The following DNM1L variants were observed in gnomAD, a reference collection of about 807,000 sequenced individuals.
DNM1L encodes dynamin-1-like protein.
Under a neutral mutation model 92.8 loss-of-function variants are expected in DNM1L, and 33 were observed. The observed-to-expected ratio is 0.36, with a 90% CI of 0.27 to 0.48. DNM1L has a LOEUF of 0.48. Ranked by LOEUF, DNM1L falls within the 20% of genes least tolerant of loss-of-function variation. DNM1L has a pLI of 0.99. For missense variants in DNM1L, 485 were observed against 888.8 expected (o/e 0.55, Z 5.78); for synonymous variants, 284 against 305.0 (o/e 0.93, Z 0.72).
At chr12:32,694,315 A>G (rs1952347542) in intron 1 of DNM1L, among the ~76,000 whole-genome samples, 1 of 151,532 alleles carries the variant, frequency 6.6e-6, no homozygotes. Context: ...CGAACTCCTG[A>G]CCTTGTGATC....
Position 32,742,684 on chromosome 12 carries a change from A to T in DNM1L, c.2090A>T (p.Asp697Val). Residue 697 changes from aspartate to valine, a missense_variant, in exon 19 of 20, where the codon GAT becomes GTT. By Grantham distance (152) the Asp-to-Val change is radical. Coordinates refer to ENST00000549701, the MANE Select transcript of DNM1L (RefSeq NM_012062.5). ...CAGCTGTATAAATCATCCTTATTGG[A>T]TGATCTTCTGACAGAATCTGAGGAC... is the stretch of plus-strand genomic sequence containing the variant. ...VGQLYKSSLLDDLLTESEDMA... is the reference protein window; with the variant it reads ...VGQLYKSSLLVDLLTESEDMA... 6.2e-7 allele frequency: 1 copy of T among 1,613,994 alleles called. No homozygotes were observed. The highest frequency in any genetic ancestry group is 2.2e-5 in the East Asian group (1 of 44,872).
chr12:32,737,770 T>G, intron 14 of DNM1L, 95 bp from the exon 15 acceptor site: 1 of 938,598 alleles, frequency 1.1e-6, no homozygotes, highest in Non-Finnish European at 1.7e-6. Flanking sequence ...TATTTTACGA[T>G]TTCATTACAG....
intron 2 of DNM1L, chr12:32,706,655 C>T (rs1292803816): frequency 2.2e-6 from 1 of 454,954 alleles, no homozygotes; most frequent in Non-Finnish European, 4.4e-6. Flanking sequence ...TCTTGTTTTT[C>T]CTTTTCTTCC....
rs563147031 is a variant in DNM1L, at chr12:32,744,174, C to T, written c.*764C>T. 6.6e-6 allele frequency: 1 copy of T among 152,332 alleles called. No homozygotes were observed. The highest frequency in any genetic ancestry group is 2.1e-4 in the South Asian group (1 of 4,832). The allele number at this position is 152,332 out of a possible 1,614,324, so 9.4% of individuals were successfully genotyped here. A position where few individuals can be genotyped will look rare whatever the true frequency, so the allele number is the denominator to read the frequency against. On this transcript the variant is annotated 3_prime_UTR_variant, in exon 20 of 20. Transcript: ENST00000549701. Reference sequence around the variant, plus strand: ...TCTAGAAAGACTTGGTAATGATGGTCAGTTCCTTTTAGATTTCAGAAAATC... The same window carrying T: ...TCTAGAAAGACTTGGTAATGATGGTTAGTTCCTTTTAGATTTCAGAAAATC...
rs562835195 is a variant in DNM1L, at chr12:32,708,095, C to A, written c.298-58C>A. The A allele has an allele frequency of 1.9e-5, 20 of 1,044,640 alleles. No homozygotes were observed. In the South Asian group the frequency reaches 2.4e-4, roughly 12 times the overall value. The allele number at this position is 1,044,640 out of a possible 1,614,324, so 64.7% of individuals were successfully genotyped here. On this transcript the variant is annotated intron_variant, in intron 3 of 19. Transcript: ENST00000549701. The stretch of plus-strand genomic sequence containing the variant: ...TGAAGTATATGGACTCCCCCTCCAG[C>A]TTAAGAACTTTTGATCTTATTTTGA...
At chr12:32,691,357 G>A (rs1480508099) in intron 1 of DNM1L, among the ~76,000 whole-genome samples, 1 of 152,094 alleles carries the variant, frequency 6.6e-6, no homozygotes, top group African/African-American at 2.4e-5. Flanking sequence ...TCCTGCCTCA[G>A]CCTCCCAAGT....
chr12:32,742,092 A>G (rs552220375), intron 18 of DNM1L, among the ~76,000 whole-genome samples: 127 of 152,100 alleles, frequency 8.3e-4, no homozygotes, highest in Non-Finnish European at 1.5e-3. Context: ...AAGGTAAAGT[A>G]TCAAGAATTG....
In DNM1L at chr12:32,744,623, G is replaced by T. The variant is rs11052213; in HGVS notation, c.*1213G>T. On this transcript the variant is annotated 3_prime_UTR_variant, in exon 20 of 20. Transcript: ENST00000549701. ...AGCTACTCGGGAGGGTGAGGCAGGA[G>T]AATTGCTTGACCCTGGGAGGTGGAG... is the stretch of plus-strand genomic sequence containing the variant. The T allele has an allele frequency of 0.14, 38,223 of 265,336 alleles. 3,005 individuals carry two copies. Among genetic ancestry groups the T allele is most frequent in the African/African-American group, 0.2 (8,745 of 42,762 alleles). The allele number at this position is 265,336 out of a possible 1,614,324, so 16.4% of individuals were successfully genotyped here. A position where few individuals can be genotyped will look rare whatever the true frequency, so the allele number is the denominator to read the frequency against.
intron 2 of DNM1L, chr12:32,705,937 CTGTG>C (rs1047118626): frequency 3.0e-6 from 4 of 1,343,130 alleles, no homozygotes; most frequent in Non-Finnish European, 4.1e-6. Context: ...CTATTACAGG[CTGTG>C]TGTATTTTTT....
intron 2 of DNM1L, chr12:32,705,788 A>G (rs1027784936): frequency 5.0e-6 from 8 of 1,585,230 alleles, no homozygotes; most frequent in Non-Finnish European, 6.8e-6. Context: ...AGGGATAAGC[A>G]CTAAACTTAT....
intron 1 of DNM1L, among the ~76,000 whole-genome samples, chr12:32,693,149 G>C (rs537561797): frequency 6.6e-6 from 1 of 152,202 alleles, no homozygotes; most frequent in Non-Finnish European, 1.5e-5. Flanking sequence ...CATCAACAGA[G>C]TGAAGTTTAT....
Position 32,740,025 on chromosome 12 carries a change from TATG to T in DNM1L, c.1708-35_1708-33del, listed in dbSNP as rs755179070. On this transcript the variant is annotated intron_variant, in intron 16 of 19. Coordinates refer to ENST00000549701, the MANE Select transcript of DNM1L (RefSeq NM_012062.5). Reference sequence around the variant, plus strand: ...GAACTTTGTTTTAGTTAAGGTCAGATATGATGTGGTTGGTATGTTTTGGAACAT... The same window carrying T: ...GAACTTTGTTTTAGTTAAGGTCAGATATGTGGTTGGTATGTTTTGGAACAT... The T allele has an allele frequency of 1.9e-6, 3 of 1,613,166 alleles. No homozygotes were observed. In the South Asian group the frequency reaches 3.3e-5, roughly 18 times the overall value.
chr12:32,684,399 T>G (rs1257738869), intron 1 of DNM1L, among the ~76,000 whole-genome samples: 1 of 152,288 alleles, frequency 6.6e-6, no homozygotes, highest in Non-Finnish European at 1.5e-5. Flanking sequence ...TTTGCCTATT[T>G]GGGATATTTC....
intron 13 of DNM1L, among the ~76,000 whole-genome samples, chr12:32,734,815 A>T (rs929014560): frequency 2.6e-5 from 4 of 152,332 alleles, no homozygotes; most frequent in South Asian, 2.1e-4. Context: ...ATCTTAAAAA[A>T]AAACTGGGGA....
intron 9 of DNM1L, among the ~76,000 whole-genome samples, chr12:32,723,522 C>T (rs1592636881): frequency 6.6e-6 from 1 of 151,714 alleles, no homozygotes; most frequent in Non-Finnish European, 1.5e-5. Flanking sequence ...GGTGAAACCC[C>T]ATCTCTACTA....
At chr12:32,738,540 A>G (rs1955065145) in intron 16 of DNM1L, among the ~76,000 whole-genome samples, 1 of 152,216 alleles carries the variant, frequency 6.6e-6, no homozygotes, top group Non-Finnish European at 1.5e-5. Flanking sequence ...GTATTTTGGT[A>G]GGAAATTCAG....
At chr12:32,707,475 G>C in intron 3 of DNM1L, 62 bp downstream of exon 3, 2 of 1,194,172 alleles carry the variant, frequency 1.7e-6, no homozygotes, top group Non-Finnish European at 2.3e-6. Context: ...ATGAATACTT[G>C]ATAATTTAGT....
intron 2 of DNM1L, among the ~76,000 whole-genome samples, chr12:32,703,481 C>T (rs7980752): frequency 0.15 from 23,388 of 151,936 alleles, 1,901 homozygotes; most frequent in Middle Eastern, 0.21. Flanking sequence ...ACAATTCTAG[C>T]ATATCATAAA....
intron 1 of DNM1L, among the ~76,000 whole-genome samples, chr12:32,681,757 TAGTG>T (rs1951816077): frequency 6.6e-6 from 1 of 152,062 alleles, no homozygotes; most frequent in Non-Finnish European, 1.5e-5. Flanking sequence ...GAAGTAATTG[TAGTG>T]AGTGAGTTCC....
Sources: gnomAD v4.1 joint callset for allele counts (sites outside exome capture counted in the v4.1 genomes callset) on GRCh38, gnomAD v4.1.1 for gene constraint, MANE v1.5 for transcripts, NCBI Gene and HGNC (gene_info 2026-07-23, HGNC 2026-07-21) for gene names.